Variants in PCLO observed in about 807,000 individuals in gnomAD.
PCLO encodes the protein protein piccolo.
In PCLO, 82 loss-of-function variants were observed where a neutral mutation model predicts 427.5. That is an observed-to-expected ratio of 0.19 (90% CI 0.16 to 0.23). The LOEUF is 0.23. PCLO is among the 10% of genes least tolerant of loss of function. PCLO has a pLI of 1.00. For missense variants in PCLO, 6,239 were observed against 6,115.9 expected, an observed-to-expected ratio of 1.02 and a Z score of -0.67; for synonymous variants, 2,357 against 2,155.4, an observed-to-expected ratio of 1.09 and a Z score of -2.59.
chr7:83,049,883 T>C (rs1335279061), intron 3 of PCLO, among the ~76,000 whole-genome samples: 1 of 152,026 alleles, frequency 6.6e-6, no homozygotes, highest in Non-Finnish European at 1.5e-5. Context: ...ACTGCTACGA[T>C]TTAACAAAAT....
chr7:82,955,829 A>G lies in PCLO; in HGVS notation c.5124T>C (p.Pro1708=). The G allele has an allele frequency of 6.2e-7, 1 of 1,613,970 alleles. No homozygotes were observed. Among genetic ancestry groups the G allele is most frequent in the Non-Finnish European group, 8.5e-7 (1 of 1,179,878 alleles). ...ATCCCTCTCCCCTTGACCTATCTTC[A>G]GGTGAGTCTGTCAGGCTTTCCATTT... is the stretch of plus-strand genomic sequence containing the variant. ...ELEMESLTDS[P]EDRSRGEGSS... The change falls in exon 5 of 25, where the codon CCT becomes CCC. Residue 1708 remains proline (P), a synonymous_variant. Transcript: ENST00000333891.
At chr7:83,050,458 T>G (rs115497426) in intron 3 of PCLO, among the ~76,000 whole-genome samples, 3,726 of 151,726 alleles carry the variant, frequency 0.025, 154 homozygotes, top group African/African-American at 0.085. Context: ...TAACTATCAT[T>G]TATACACTGT....
intron 3 of PCLO, among the ~76,000 whole-genome samples, chr7:82,980,818 G>C (rs1051681300): frequency 2.6e-5 from 4 of 152,146 alleles, no homozygotes; most frequent in African/African-American, 9.7e-5. Flanking sequence ...TTTACAAATA[G>C]AGGAGGAACA....
chr7:83,104,627 T>A (rs560473623), intron 3 of PCLO, among the ~76,000 whole-genome samples: 2 of 152,222 alleles, frequency 1.3e-5, no homozygotes, highest in African/African-American at 4.8e-5. Flanking sequence ...AAGCTGATTT[T>A]AATTATCTTA....
rs776471745 is a variant in PCLO, at chr7:82,953,509, C to A, written c.7444G>T (p.Ala2482Ser). ...GGCTTAGGAGGAACAGGAGGAGGTG[C>A]AGTAGTACATATTCTTGTAACAGGT... Reference protein sequence around the residue: ...GLPVTRICTTAPPPVPPKPSS... With the variant: ...GLPVTRICTTSPPPVPPKPSS... The change falls in exon 5 of 25, where the codon GCA becomes TCA. Residue 2482 changes from alanine to serine, a missense_variant. Ala to Ser is a moderately conservative substitution (Grantham distance 99). This residue lies in a region of PCLO where 4,677 missense variants were observed against 4,468.4 expected (regional missense o/e 1.05). Transcript: ENST00000333891. 1.2e-6 allele frequency: 2 copies of A among 1,613,242 alleles called. No individual in the cohort carries two copies. The highest frequency in any genetic ancestry group is 1.7e-6 in the Non-Finnish European group (2 of 1,179,732).
At chr7:83,093,343 G>A (rs1189915769) in intron 3 of PCLO, among the ~76,000 whole-genome samples, 1 of 146,134 alleles carries the variant, frequency 6.8e-6, no homozygotes, top group Non-Finnish European at 1.5e-5. Flanking sequence ...ATTATATAAA[G>A]TATTCTATAA....
intron 3 of PCLO, among the ~76,000 whole-genome samples, chr7:82,995,831 C>T (rs538654771): frequency 1.1e-4 from 17 of 151,784 alleles, no homozygotes; most frequent in African/African-American, 3.6e-4. Context: ...GATCCATGCA[C>T]GGTATATAGT....
rs1445112156 is a variant in PCLO, at chr7:83,156,372, C to T, written c.269G>A (p.Ser90Asn). Residue 90 changes from serine (S) to asparagine (N), a missense_variant, in exon 2 of 25, where the codon AGT (serine) becomes AAT (asparagine). Ser to Asn is a conservative substitution (Grantham distance 46). This residue lies in a region of PCLO where 4,677 missense variants were observed against 4,468.4 expected (regional missense o/e 1.05). Coordinates refer to ENST00000333891, the MANE Select transcript of PCLO (RefSeq NM_033026.6). ...SMHRKQELDS[S>N]HPPKQSGRPP... is the part of the protein sequence containing the mutation. ...TCTTCCTGATTGCTTTGGAGGATGACTACTATCCAACTCTTGTTTCCTAGA... is the reference window on the plus strand; with the variant it reads ...TCTTCCTGATTGCTTTGGAGGATGATTACTATCCAACTCTTGTTTCCTAGA... 1 of 1,573,280 alleles carries T rather than the reference C, an allele frequency of 6.4e-7. No individual in the cohort carries two copies. Among genetic ancestry groups the T allele is most frequent in the Admixed American group, 1.8e-5 (1 of 56,000 alleles).
At chr7:82,958,366 C>CTCCCTCCCTCTCCCCATCCT in intron 4 of PCLO, among the ~76,000 whole-genome samples, 1 of 150,648 alleles carries the variant, frequency 6.6e-6, no homozygotes, top group South Asian at 2.1e-4. Context: ...CCTTCCTTTC[C>CTCCCTCCCTCTCCCCATCCT]TCCCTCCCTC....
chr7:83,101,424 T>C (rs886189974), intron 3 of PCLO, among the ~76,000 whole-genome samples: 2 of 152,112 alleles, frequency 1.3e-5, no homozygotes, highest in African/African-American at 4.8e-5. Context: ...ACTAGTGATT[T>C]ACCTACTAAT....
At position 82,950,853 on chromosome 7, in the gene PCLO, G is replaced by A. The variant is rs1356343508; in HGVS notation, c.9735C>T (p.Phe3245=). The change falls in exon 6 of 25, where the codon TTC becomes TTT. Residue 3245 remains phenylalanine (F), a synonymous_variant. Coordinates refer to ENST00000333891, the MANE Select transcript of PCLO (RefSeq NM_033026.6). The part of the protein sequence containing the change: ...LEWERQEIQR[F]REQEKIMVQK... ...GAACCATGATCTTTTCTTGTTCTCGGAACCTTTGAATTTCCTGACGTTCCC... is the reference window on the plus strand; with the variant it reads ...GAACCATGATCTTTTCTTGTTCTCGAAACCTTTGAATTTCCTGACGTTCCC... 6.2e-7 allele frequency: 1 copy of A among 1,613,382 alleles called. No homozygotes were observed. Among genetic ancestry groups the A allele is most frequent in the African/African-American group, 1.3e-5 (1 of 74,882 alleles).
Position 82,826,446 on chromosome 7 carries a change from G to A in PCLO, c.14415+143C>T, listed in dbSNP as rs866556121. Reference sequence around the variant, plus strand: ...GAATTGGTATTAATCTACTCAAATAGTAAATCAGGAAATAAATTCTATCTG... The same window carrying A: ...GAATTGGTATTAATCTACTCAAATAATAAATCAGGAAATAAATTCTATCTG... On this transcript the variant is annotated intron_variant, in intron 18 of 24. Transcript: ENST00000333891. 9.3e-6 allele frequency: 5 copies of A among 540,264 alleles called. No homozygotes were observed. The Middle Eastern group carries it at 1.4e-3, about 148-fold the overall frequency. 33.5% of individuals were successfully genotyped at this position (540,264 alleles called of 1,614,324 possible). A position where few individuals can be genotyped will look rare whatever the true frequency, so the allele number is the denominator to read the frequency against.
intron 22 of PCLO, among the ~76,000 whole-genome samples, chr7:82,791,135 C>T (rs1456488352): frequency 6.6e-6 from 1 of 151,994 alleles, no homozygotes; most frequent in Non-Finnish European, 1.5e-5. Context: ...ATTGGGTTCA[C>T]CAGATTTTTT....
At chr7:82,918,706 T>C (rs1170762709) in intron 6 of PCLO, among the ~76,000 whole-genome samples, 1 of 152,008 alleles carries the variant, frequency 6.6e-6, no homozygotes, top group Non-Finnish European at 1.5e-5. Context: ...ATCTGGCATA[T>C]GCATAAGCAT....
At chr7:82,833,163 C>T (rs750272819) in intron 16 of PCLO, among the ~76,000 whole-genome samples, 3 of 152,142 alleles carry the variant, frequency 2.0e-5, no homozygotes, top group African/African-American at 4.8e-5. Flanking sequence ...ACACACACCA[C>T]CTGTACCTGC....
At chr7:82,923,634 TC>T (rs1794646842) in intron 6 of PCLO, among the ~76,000 whole-genome samples, 1 of 152,096 alleles carries the variant, frequency 6.6e-6, no homozygotes, top group African/African-American at 2.4e-5. Flanking sequence ...AATTTAATTT[TC>T]TTTAATTACA....
intron 9 of PCLO, among the ~76,000 whole-genome samples, chr7:82,890,236 G>T (rs1347690235): frequency 6.6e-6 from 1 of 151,984 alleles, no homozygotes; most frequent in Non-Finnish European, 1.5e-5. Flanking sequence ...GTAAATACGT[G>T]TTCTCTATAT....
chr7:82,777,888 G>T (rs1160729423), intron 22 of PCLO, among the ~76,000 whole-genome samples: 1 of 152,064 alleles, frequency 6.6e-6, no homozygotes, highest in Non-Finnish European at 1.5e-5. Flanking sequence ...GACGCCAAAA[G>T]CAATTGCAAT....
intron 3 of PCLO, among the ~76,000 whole-genome samples, chr7:83,045,246 A>G (rs1789075778): frequency 6.6e-6 from 1 of 152,176 alleles, no homozygotes; most frequent in Admixed American, 6.5e-5. Flanking sequence ...AGAAAAGAGC[A>G]GCACTCCAGA....
Sources: allele counts gnomAD v4.1 joint callset (sites outside exome capture counted in the v4.1 genomes callset), GRCh38; gene constraint gnomAD v4.1.1; regional missense constraint gnomAD v4.1.1; transcripts MANE v1.5; gene names NCBI Gene and HGNC (gene_info 2026-07-23, HGNC 2026-07-21).